RC3H2: variants seen among roughly 807,000 people sequenced by gnomAD.
The protein encoded by RC3H2 is roquin-2.
RC3H2 carries 31 observed loss-of-function variants against 133.3 expected under a neutral mutation model. The ratio of observed to expected loss-of-function variants is 0.23; its 90% confidence interval spans 0.17 to 0.31. The LOEUF is 0.31. Ranked by LOEUF, RC3H2 falls within the 10% of genes least tolerant of loss-of-function variation. RC3H2 has a pLI of 1.00. For synonymous variants in RC3H2, 517 were observed against 502.2 expected (o/e 1.03, Z -0.40); for missense variants, 1,175 against 1,437.2 (o/e 0.82, Z 2.95).
chr9:122,854,797 T>TG (rs1830178580), intron 15 of RC3H2, among the ~76,000 whole-genome samples, 182 bp from the exon 16 acceptor site: 1 of 152,190 alleles, frequency 6.6e-6, no homozygotes, highest in Non-Finnish European at 1.5e-5. Flanking sequence ...TTTCACAAGT[T>TG]GGGGATTAAA....
At chr9:122,888,752 G>C (rs1832037819) in intron 4 of RC3H2, among the ~76,000 whole-genome samples, 1 of 152,194 alleles carries the variant, frequency 6.6e-6, no homozygotes. Flanking sequence ...CATTCAGGTT[G>C]TTTCCAGATG....
intron 15 of RC3H2, among the ~76,000 whole-genome samples, chr9:122,854,915 C>T (rs1830183672): frequency 6.6e-6 from 1 of 151,976 alleles, no homozygotes; most frequent in Admixed American, 6.6e-5. Flanking sequence ...ACCAGCCTGG[C>T]CAACATGGCG....
chr9:122,902,296 G>GAACTT (rs1355122101), intron 1 of RC3H2, among the ~76,000 whole-genome samples: 2 of 152,166 alleles, frequency 1.3e-5, no homozygotes, highest in African/African-American at 4.8e-5. Context: ...CTTTGAGATA[G>GAACTT]AACTTACTTC....
intron 9 of RC3H2, 139 bp from the exon 10 acceptor site, chr9:122,865,796 A>T (rs940709155): frequency 2.4e-5 from 16 of 653,508 alleles, no homozygotes; most frequent in Non-Finnish European, 3.9e-5. Flanking sequence ...AAATAATCAA[A>T]TACAGTCTAT....
Position 122,865,329 on chromosome 9 carries a change from C to A in RC3H2, c.1634+20G>T. On this transcript the variant is annotated intron_variant, in intron 10 of 20. Coordinates refer to ENST00000357244, the MANE Select transcript of RC3H2 (RefSeq NM_001100588.3). ...AAAAGGAAAAAGAATTTCCAGTAAT[C>A]ATTTTTACCTAATACCTACTTTTCA... 6.4e-7 allele frequency: 1 copy of A among 1,564,038 alleles called. No individual in the cohort carries two copies. Among genetic ancestry groups the A allele is most frequent in the Non-Finnish European group, 8.7e-7 (1 of 1,151,974 alleles).
rs1327287337 is a variant in RC3H2 at position 122,854,594 on chromosome 9, G to A, written c.2837C>T (p.Ala946Val). 1 of 1,612,302 alleles carries A rather than the reference G, an allele frequency of 6.2e-7. No individual in the cohort carries two copies. Among genetic ancestry groups the A allele is most frequent in the African/African-American group, 1.3e-5 (1 of 74,888 alleles). Residue 946 changes from alanine to valine, a missense_variant, in exon 16 of 21, where the codon GCT (alanine) becomes GTT (valine). By Grantham distance (64) the Ala-to-Val change is moderately conservative. Transcript: ENST00000357244. ...SVSDYVPYVN[A>V]VDSRWSSYGN... ...ATATGAACTCCACCTTGAATCAACAGCATTGACATAAGGGACATAATCTAC... is the reference window on the plus strand; with the variant it reads ...ATATGAACTCCACCTTGAATCAACAACATTGACATAAGGGACATAATCTAC...
chr9:122,883,989 T>C (rs1831773556), intron 4 of RC3H2, among the ~76,000 whole-genome samples: 1 of 151,934 alleles, frequency 6.6e-6, no homozygotes, highest in African/African-American at 2.4e-5. Flanking sequence ...ACCAACTCCA[T>C]CTCAAACAAA....
Position 122,897,367 on chromosome 9 carries a change from T to C in RC3H2, c.143A>G (p.Lys48Arg). Reference protein sequence around the residue: ...CKTCLNKLHRKACPFDQTAIN... With the variant: ...CKTCLNKLHRRACPFDQTAIN... ...GGCAGTCTGGTCAAAAGGACAAGCT[T>C]TTCGATGAAGTTTATTCAAGCAGGT... The change falls in exon 2 of 21, where the codon AAA (lysine) becomes AGA (arginine). Residue 48 changes from lysine to arginine, a missense_variant. Lys to Arg is a conservative substitution (Grantham distance 26, BLOSUM62 2). Around this residue, in one of 8 missense-constraint regions of RC3H2, gnomAD observed 41 missense variants for 88.0 expected, o/e 0.47. Transcript: ENST00000357244. 1 of 1,614,212 alleles carries C rather than the reference T, an allele frequency of 6.2e-7. No homozygotes were observed. The highest frequency in any genetic ancestry group is 1.1e-5 in the South Asian group (1 of 91,086).
intron 10 of RC3H2, among the ~76,000 whole-genome samples, chr9:122,864,947 T>C (rs1246483732): frequency 6.6e-6 from 1 of 151,950 alleles, no homozygotes; most frequent in Non-Finnish European, 1.5e-5. Flanking sequence ...CATTACAGAG[T>C]ATAAAGTGAA....
chr9:122,860,316 G>GT (rs1190037943), intron 10 of RC3H2, among the ~76,000 whole-genome samples, 185 bp from the exon 11 acceptor site: 11 of 151,624 alleles, frequency 7.3e-5, no homozygotes, highest in African/African-American at 2.7e-4. Flanking sequence ...CGTGATCATC[G>GT]TAACAGATGT....
intron 18 of RC3H2, among the ~76,000 whole-genome samples, chr9:122,852,513 G>T (rs1313256099): frequency 7.0e-6 from 1 of 142,840 alleles, no homozygotes; most frequent in Non-Finnish European, 1.5e-5. Flanking sequence ...CTAGCCAGCC[G>T]CCCCGTCCGG....
In RC3H2 at chr9:122,851,502, T is replaced by C. The variant is rs1035176892; in HGVS notation, c.3118-66A>G. 1.2e-5 allele frequency: 19 copies of C among 1,565,574 alleles called. No homozygotes were observed. The Admixed American group carries it at 1.6e-4, about 13-fold the overall frequency. On this transcript the variant is annotated intron_variant, in intron 18 of 20. Coordinates refer to ENST00000357244, the MANE Select transcript of RC3H2 (RefSeq NM_001100588.3). ...TCTCCCCATGGTCTCCCTCTCCCCA[T>C]GGTCTCCCTCTCCCTCTCTTTCCAT...
At chr9:122,888,374 A>T (rs574616943) in intron 4 of RC3H2, among the ~76,000 whole-genome samples, 2 of 152,324 alleles carry the variant, frequency 1.3e-5, no homozygotes, top group Admixed American at 1.3e-4. Flanking sequence ...ATAATTACAT[A>T]AAATATTTAT....
At chr9:122,859,896 G>GA in intron 11 of RC3H2, 21 bp downstream of exon 11, 1 of 1,538,694 alleles carries the variant, frequency 6.5e-7, no homozygotes, top group South Asian at 1.1e-5. Context: ...TTTTTTCTTA[G>GA]AATTGTCTAA....
chr9:122,879,161 C>T (rs1003910196), intron 8 of RC3H2, among the ~76,000 whole-genome samples: 8 of 151,292 alleles, frequency 5.3e-5, no homozygotes, highest in Admixed American at 1.3e-4. Context: ...TTTGGGAGGC[C>T]GAGGTGGGCA....
chr9:122,850,591 C>T lies in RC3H2; in HGVS notation c.3380+490G>A, dbSNP rs1177279032. Among the ~76,000 whole-genome samples, 3 of 151,864 alleles carry T rather than the reference C, an allele frequency of 2.0e-5. No individual in the cohort carries two copies. In the East Asian group the frequency reaches 5.8e-4, roughly 30 times the overall value. Reference sequence around the variant, plus strand: ...CCAGGCAGCTGAGAATACAGGTGCCCGCCACTATGCCCAGCTAATTTTTTT... The same window carrying T: ...CCAGGCAGCTGAGAATACAGGTGCCTGCCACTATGCCCAGCTAATTTTTTT... On this transcript the variant is annotated intron_variant, in intron 20 of 20. Transcript: ENST00000357244.
rs1176336222 is a variant in RC3H2, at chr9:122,865,285, A to G, written c.1634+64T>C. On this transcript the variant is annotated intron_variant, in intron 10 of 20. Coordinates refer to ENST00000357244, the MANE Select transcript of RC3H2 (RefSeq NM_001100588.3). ...AACCGGTATTCATCAGCAGAAATAA[A>G]AACACTCAGGCATTTCTAAAAAGGA... The G allele has an allele frequency of 2.9e-6, 4 of 1,390,066 alleles. No homozygotes were observed. In the African/African-American group the frequency reaches 5.8e-5, roughly 20 times the overall value. 86.1% of individuals were successfully genotyped at this position (1,390,066 alleles called of 1,614,324 possible).
intron 3 of RC3H2, among the ~76,000 whole-genome samples, chr9:122,891,031 T>C (rs1315960820): frequency 6.9e-6 from 1 of 144,882 alleles, no homozygotes; most frequent in Non-Finnish European, 1.5e-5. Flanking sequence ...TTTTTTTTTT[T>C]TTTTTGGAGA....
In RC3H2 at chr9:122,869,816, T is replaced by C. The variant is rs534036944; in HGVS notation, c.1326-4159A>G. On this transcript the variant is annotated intron_variant, in intron 9 of 20. Coordinates refer to ENST00000357244, the MANE Select transcript of RC3H2 (RefSeq NM_001100588.3). ...AACTCCTGACCTCAAGTGATCCGCC[T>C]GCCTTGGCCTCCCAAAGTGCTGGGA... Among the ~76,000 whole-genome samples, 25 of 152,138 alleles carry C rather than the reference T, an allele frequency of 1.6e-4. No homozygotes were observed. The East Asian group carries it at 3.5e-3, about 21-fold the overall frequency.
Sources: gnomAD v4.1 joint callset for allele counts (sites outside exome capture counted in the v4.1 genomes callset) on GRCh38, gnomAD v4.1.1 for gene constraint, gnomAD v4.1.1 regional missense constraint, MANE v1.5 for transcripts, NCBI Gene and HGNC (gene_info 2026-07-23, HGNC 2026-07-21) for gene names.